PPP2R5C: variants seen among roughly 807,000 people sequenced by gnomAD.
PPP2R5C encodes protein phosphatase 2 regulatory subunit B'gamma, also known as serine/threonine-protein phosphatase 2A 56 kDa regulatory subunit gamma isoform.
Under a neutral mutation model 68.9 loss-of-function variants are expected in PPP2R5C, and 7 were observed. That is an observed-to-expected ratio of 0.10 (90% CI 0.06 to 0.19). The LOEUF (loss-of-function observed/expected upper bound fraction) is 0.19, where lower values mean the gene tolerates loss of function less well. Among genes scored for constraint, PPP2R5C ranks in the 10% least tolerant of loss-of-function variants. The pLI, the probability that PPP2R5C is intolerant of heterozygous loss-of-function variation, is 1.00. For missense variants in PPP2R5C, 348 were observed against 641.3 expected (o/e 0.54, Z 4.94); for synonymous variants, 210 against 222.2 (o/e 0.95, Z 0.49).
intron 1 of PPP2R5C, chr14:101,818,947 G>A (rs1322062732): frequency 3.5e-6 from 5 of 1,409,648 alleles, no homozygotes; most frequent in Admixed American, 2.0e-5. Context: ...TTCTAATTAT[G>A]GTATTTTAAC....
At chr14:101,802,326 C>A (rs1008084561) in intron 3 of PPP2R5C, among the ~76,000 whole-genome samples, 1 of 152,120 alleles carries the variant, frequency 6.6e-6, no homozygotes, top group Non-Finnish European at 1.5e-5. Context: ...GCAGGAGAAT[C>A]GCTTGAACCC....
chr14:101,843,550 T>A (rs2140441905), intron 1 of PPP2R5C: 1 of 177,570 alleles, frequency 5.6e-6, no homozygotes, highest in East Asian at 1.7e-4. Context: ...TCTGCAGAAC[T>A]AGGTTCTTCT....
intron 3 of PPP2R5C, among the ~76,000 whole-genome samples, chr14:101,802,394 G>C (rs75428795): frequency 6.6e-6 from 1 of 152,114 alleles, no homozygotes; most frequent in East Asian, 1.9e-4. Context: ...CCTTGTGACA[G>C]AGCGAGACTC....
chr14:101,914,287 C>T (rs1475694941), intron 12 of PPP2R5C: 1 of 433,350 alleles, frequency 2.3e-6, no homozygotes, highest in Non-Finnish European at 4.6e-6. Flanking sequence ...CCATGAGTCT[C>T]GTCCACATGC....
chr14:101,811,690 G>T (rs990353887), intron 1 of PPP2R5C, among the ~76,000 whole-genome samples: 1 of 152,072 alleles, frequency 6.6e-6, no homozygotes, highest in African/African-American at 2.4e-5. Flanking sequence ...TAAATTAACT[G>T]CATATAAAAT....
Position 101,877,009 on chromosome 14 carries a change from T to C in PPP2R5C, c.295-5152T>C, listed in dbSNP as rs2043828654. Reference sequence around the variant, plus strand: ...TATTGCCCAGGCTGGAGTGCAGTGGTGCAATCTCGGTTCACTGCAACTTCC... The same window carrying C: ...TATTGCCCAGGCTGGAGTGCAGTGGCGCAATCTCGGTTCACTGCAACTTCC... On this transcript the variant is annotated intron_variant, in intron 2 of 13. Transcript: ENST00000334743. The surrounding 1 kb of genome is among the most constrained non-coding windows in gnomAD (Gnocchi z 4.2). Among the ~76,000 whole-genome samples, 1 of 136,110 alleles carries C rather than the reference T, an allele frequency of 7.3e-6. No individual in the cohort carries two copies. The allele number at this position is 136,110 out of a possible 152,430, so 89.3% of individuals were successfully genotyped here.
intron 5 of PPP2R5C, chr14:101,889,938 G>A (rs1217178146): frequency 3.8e-6 from 2 of 520,442 alleles, no homozygotes; most frequent in African/African-American, 1.9e-5. Context: ...CGAATCTGGT[G>A]GTTGAAATGG....
At chr14:101,887,387 A>G (rs1342528758) in intron 5 of PPP2R5C, among the ~76,000 whole-genome samples, 2 of 152,162 alleles carry the variant, frequency 1.3e-5, no homozygotes, top group Admixed American at 1.3e-4. Context: ...TGTCCCCATC[A>G]TCACCAGGAT....
At chr14:101,886,003 C>G (rs540567283) in intron 5 of PPP2R5C, among the ~76,000 whole-genome samples, 1 of 152,164 alleles carries the variant, frequency 6.6e-6, no homozygotes, top group Non-Finnish European at 1.5e-5. Context: ...GAAAATGGGC[C>G]GGGCGTGGTG....
At chr14:101,864,644 A>G (rs2042948632) in intron 2 of PPP2R5C, among the ~76,000 whole-genome samples, 1 of 152,178 alleles carries the variant, frequency 6.6e-6, no homozygotes, top group Non-Finnish European at 1.5e-5. Flanking sequence ...TAGCTGGCTC[A>G]GTGAAAGCAA....
rs1013632232 is a variant in PPP2R5C at position 101,783,358 on chromosome 14, A to G, written c.94-2660A>G. Among the ~76,000 whole-genome samples, 10 of 148,050 alleles carry G rather than the reference A, an allele frequency of 6.8e-5. No individual in the cohort carries two copies. The East Asian group carries it at 1.4e-3, about 21-fold the overall frequency. On this transcript the variant is annotated intron_variant, in intron 2 of 14. Transcript: ENST00000328724. ...CACCTCACCTTCCCAGGGACAGACA[A>G]TGTCTCATGCGGAGAGGCCCTGCCC... is the stretch of plus-strand genomic sequence containing the variant.
At chr14:101,837,527 A>G (rs980149917) in intron 1 of PPP2R5C, among the ~76,000 whole-genome samples, 1 of 152,254 alleles carries the variant, frequency 6.6e-6, no homozygotes, top group Non-Finnish European at 1.5e-5. Flanking sequence ...TGAAATAATT[A>G]GAAACCTTAT....
At chr14:101,761,944 A>T (rs1023038327) in intron 1 of PPP2R5C, 24 bp downstream of exon 1, 21 of 1,187,104 alleles carry the variant, frequency 1.8e-5, no homozygotes, top group Non-Finnish European at 2.2e-5. Flanking sequence ...CGGCCGCGGG[A>T]CGGAGGGAGC....
At chr14:101,905,944 T>C (rs1340428431) in intron 9 of PPP2R5C, among the ~76,000 whole-genome samples, 1 of 152,142 alleles carries the variant, frequency 6.6e-6, no homozygotes, top group Non-Finnish European at 1.5e-5. Flanking sequence ...TCGTTTCTAG[T>C]AAATTAATAA....
intron 3 of PPP2R5C, among the ~76,000 whole-genome samples, chr14:101,787,731 C>T (rs187313778): frequency 5.8e-4 from 83 of 143,906 alleles, no homozygotes; most frequent in Non-Finnish European, 1.1e-3. Context: ...CGTGCCACTG[C>T]ACTCCAGCCT....
intron 3 of PPP2R5C, among the ~76,000 whole-genome samples, chr14:101,802,717 A>T (rs2038917831): frequency 6.6e-6 from 1 of 152,176 alleles, no homozygotes; most frequent in Non-Finnish European, 1.5e-5. Context: ...TATTTGAAAA[A>T]TCATATAACT....
At chr14:101,830,109 A>G (rs985738768) in intron 1 of PPP2R5C, among the ~76,000 whole-genome samples, 3 of 152,214 alleles carry the variant, frequency 2.0e-5, no homozygotes, top group Non-Finnish European at 4.4e-5. Context: ...AAAAGCATCT[A>G]TATTCAAGGT....
intron 13 of PPP2R5C, chr14:101,920,970 G>T (rs2046967886): frequency 2.0e-5 from 3 of 153,018 alleles, no homozygotes; most frequent in South Asian, 1.4e-4. Context: ...TGAATCAATT[G>T]AATTCAGTTG....
chr14:101,840,030 A>G (rs1249790487), intron 1 of PPP2R5C, among the ~76,000 whole-genome samples: 1 of 152,164 alleles, frequency 6.6e-6, no homozygotes, highest in African/African-American at 2.4e-5. Context: ...ACATGTTTAC[A>G]TATCACATTA....
Sources: allele counts gnomAD v4.1 joint callset (sites outside exome capture counted in the v4.1 genomes callset), GRCh38; gene constraint gnomAD v4.1.1; non-coding constraint Gnocchi (gnomAD v3.1); transcripts MANE v1.5; gene names NCBI Gene and HGNC (gene_info 2026-07-23, HGNC 2026-07-21).